Variants in EYS observed in about 807,000 individuals in gnomAD.
EYS encodes protein eyes shut homolog.
A neutral mutation model predicts 282.1 loss-of-function variants in EYS; 250 were observed. That is an observed-to-expected ratio of 0.89 (90% CI 0.80 to 0.98). The LOEUF is 0.98. Ranked by LOEUF, EYS falls within the 50% of genes least tolerant of loss-of-function variation. EYS has a pLI of 0.00. For missense variants in EYS, 4,016 were observed against 3,709.0 expected (o/e 1.08, Z -2.15); for synonymous variants, 1,355 against 1,282.9 (o/e 1.06, Z -1.20).
chr6:64,537,095 G>A (rs1179991243), intron 26 of EYS, among the ~76,000 whole-genome samples: 2 of 150,198 alleles, frequency 1.3e-5, no homozygotes, highest in Admixed American at 6.6e-5. Flanking sequence ...CCATGCTGGT[G>A]CGCTGCACCC....
chr6:65,043,862 T>C (rs973597282), intron 13 of EYS, among the ~76,000 whole-genome samples: 39 of 151,680 alleles, frequency 2.6e-4, no homozygotes, highest in African/African-American at 8.2e-4. Flanking sequence ...AAATATCCCT[T>C]CAACATACAG....
chr6:64,753,043 C>A (rs1374269581), intron 22 of EYS, among the ~76,000 whole-genome samples: 1 of 152,036 alleles, frequency 6.6e-6, no homozygotes, highest in Non-Finnish European at 1.5e-5. Context: ...TTCAGCCAAA[C>A]AAATGCTAAG....
At chr6:64,198,408 A>C (rs538200856) in intron 31 of EYS, among the ~76,000 whole-genome samples, 12 of 152,244 alleles carry the variant, frequency 7.9e-5, no homozygotes, top group Non-Finnish European at 1.6e-4. Context: ...TGCTACACCC[A>C]TCAACCTGTC....
At chr6:63,857,200 A>C (rs796886379) in intron 36 of EYS, among the ~76,000 whole-genome samples, 17 of 152,300 alleles carry the variant, frequency 1.1e-4, no homozygotes, top group African/African-American at 4.1e-4. Flanking sequence ...TCTGGAATTC[A>C]AGACATCTCA....
intron 36 of EYS, among the ~76,000 whole-genome samples, chr6:63,842,742 C>T (rs947362504): frequency 2.0e-5 from 3 of 152,036 alleles, no homozygotes; most frequent in Non-Finnish European, 4.4e-5. Flanking sequence ...GGTTTTAGTT[C>T]TTATGCTTAA....
chr6:65,003,429 G>A lies in EYS; in HGVS notation c.2138-5726C>T, dbSNP rs1013319723. ...AGATGTTATCAACGAAATGGTGCCCGAAACTTCATTAGCAATTTTAATTTC... is the reference window on the plus strand; with the variant it reads ...AGATGTTATCAACGAAATGGTGCCCAAAACTTCATTAGCAATTTTAATTTC... On this transcript the variant is annotated intron_variant, in intron 13 of 42. Transcript: ENST00000503581. 2.0e-5 allele frequency among the ~76,000 whole-genome samples: 3 copies of A among 147,584 alleles called. 1 individual carries two copies. Among genetic ancestry groups the A allele is most frequent in the Admixed American group, 6.8e-5 (1 of 14,814 alleles).
intron 29 of EYS, among the ~76,000 whole-genome samples, chr6:64,346,641 A>AT (rs1771410664): frequency 6.6e-6 from 1 of 151,830 alleles, no homozygotes; most frequent in Admixed American, 6.6e-5. Context: ...AACATGGCAC[A>AT]TGTATACATA....
chr6:63,911,821 A>G (rs1764257715), intron 35 of EYS, among the ~76,000 whole-genome samples: 1 of 152,220 alleles, frequency 6.6e-6, no homozygotes, highest in South Asian at 2.1e-4. Context: ...CAAAACAAAT[A>G]GTACTTGGCC....
intron 12 of EYS, among the ~76,000 whole-genome samples, chr6:65,139,143 G>C (rs138041314): frequency 6.6e-6 from 1 of 151,886 alleles, no homozygotes; most frequent in Non-Finnish European, 1.5e-5. Flanking sequence ...TATGTTCATC[G>C]CAGCACTATT....
chr6:64,778,218 A>C (rs1384921187), intron 22 of EYS, among the ~76,000 whole-genome samples: 2 of 152,162 alleles, frequency 1.3e-5, no homozygotes, highest in Non-Finnish European at 2.9e-5. Flanking sequence ...ATCTTCTAGT[A>C]GTGATCTTAC....
At chr6:64,343,527 A>C (rs1207066648) in intron 29 of EYS, among the ~76,000 whole-genome samples, 4 of 152,126 alleles carry the variant, frequency 2.6e-5, no homozygotes, top group African/African-American at 9.6e-5. Context: ...AAGACACAAC[A>C]TACCAGAATC....
chr6:64,937,944 A>T (rs1220014380), intron 15 of EYS, among the ~76,000 whole-genome samples: 1 of 151,686 alleles, frequency 6.6e-6, no homozygotes, highest in South Asian at 2.1e-4. Context: ...TCTGGCCATA[A>T]AAAAGAAACA....
intron 2 of EYS, among the ~76,000 whole-genome samples, chr6:65,593,383 C>T (rs989895043): frequency 6.6e-6 from 1 of 152,134 alleles, no homozygotes; most frequent in Admixed American, 6.6e-5. Context: ...TGTTTTTCTT[C>T]TGATACTTCG....
intron 30 of EYS, among the ~76,000 whole-genome samples, chr6:64,272,726 G>A (rs1329126360): frequency 1.3e-5 from 2 of 152,028 alleles, no homozygotes; most frequent in Admixed American, 6.6e-5. Context: ...TTAATATTAT[G>A]TACAAGTAAA....
At chr6:65,008,283 T>C (rs1771750625) in intron 13 of EYS, among the ~76,000 whole-genome samples, 1 of 152,140 alleles carries the variant, frequency 6.6e-6, no homozygotes, top group Non-Finnish European at 1.5e-5. Flanking sequence ...CCTGATTCTA[T>C]TGAAGGCCAA....
At chr6:64,993,689 C>A (rs887693760) in intron 14 of EYS, among the ~76,000 whole-genome samples, 1 of 149,736 alleles carries the variant, frequency 6.7e-6, no homozygotes, top group East Asian at 2.0e-4. Flanking sequence ...AACTAACCTG[C>A]ACGTTGTGCA....
chr6:64,925,761 T>C (rs1768495714), intron 15 of EYS, among the ~76,000 whole-genome samples: 1 of 151,970 alleles, frequency 6.6e-6, no homozygotes, highest in African/African-American at 2.4e-5. Context: ...GTGGGTTGGG[T>C]TGTAGAACAT....
In EYS at chr6:64,686,853, ATG is replaced by A. The variant is rs1562134055; in HGVS notation, c.3444-60610_3444-60609del. Among the ~76,000 whole-genome samples, 4 of 19,606 alleles carry A rather than the reference ATG, an allele frequency of 2.0e-4. 2 individuals carry two copies. Among genetic ancestry groups the A allele is most frequent in the East Asian group, 1.8e-3 (2 of 1,108 alleles). 12.9% of individuals were successfully genotyped at this position (19,606 alleles called of 152,430 possible). A position where few individuals can be genotyped will look rare whatever the true frequency, so the allele number is the denominator to read the frequency against. On this transcript the variant is annotated intron_variant, in intron 22 of 42. Coordinates refer to ENST00000503581, the MANE Select transcript of EYS (RefSeq NM_001142800.2). ...TATATATATACGTGTATATATATAT[ATG>A]TGTATATATATACGTGTATATATAT...
chr6:64,960,370 A>G (rs1403001371), intron 14 of EYS, among the ~76,000 whole-genome samples: 2 of 152,190 alleles, frequency 1.3e-5, no homozygotes, highest in East Asian at 3.8e-4. Flanking sequence ...TAAGACAAAA[A>G]TGATTTTGAA....
Sources: allele counts gnomAD v4.1 joint callset (sites outside exome capture counted in the v4.1 genomes callset), GRCh38; gene constraint gnomAD v4.1.1; transcripts MANE v1.5; gene names NCBI Gene and HGNC (gene_info 2026-07-23, HGNC 2026-07-21).